CNIH3: variants seen among roughly 807,000 people sequenced by gnomAD.
CNIH3 encodes the protein cornichon family AMPA receptor auxiliary protein 3.
In CNIH3, 14 loss-of-function variants were observed where a neutral mutation model predicts 24.1. The observed-to-expected ratio is 0.58, with a 90% CI of 0.38 to 0.91. The LOEUF (loss-of-function observed/expected upper bound fraction) is 0.91. CNIH3 is among the 40% of genes least tolerant of loss of function. The probability of loss-of-function intolerance (pLI) is 0.00; values close to 1 mark genes in which losing one functional copy is unlikely to be tolerated. For missense variants in CNIH3, 178 were observed against 196.8 expected (o/e 0.90, Z 0.57); for synonymous variants, 68 against 73.8 (o/e 0.92, Z 0.40).
At chr1:224,707,663 C>G (rs1687896686) in intron 3 of CNIH3, among the ~76,000 whole-genome samples, 1 of 152,202 alleles carries the variant, frequency 6.6e-6, no homozygotes, top group Non-Finnish European at 1.5e-5. Flanking sequence ...GGCAGAATCT[C>G]ATGCCCCACC....
At chr1:224,512,972 C>T (rs774233672), upstream of CNIH3, among the ~76,000 whole-genome samples, 6 of 152,224 alleles carry the variant, frequency 3.9e-5, no homozygotes, top group Non-Finnish European at 5.9e-5. Flanking sequence ...CCATCTGCAA[C>T]GTGGCAATTA....
chr1:224,576,853 G>A (rs928502609), intron 4 of CNIH3, among the ~76,000 whole-genome samples: 4 of 152,116 alleles, frequency 2.6e-5, no homozygotes, highest in African/African-American at 9.7e-5. Flanking sequence ...AAACAACATG[G>A]TACTGGCATA....
In CNIH3 at chr1:224,502,027, G is replaced by A. The variant is rs191932509; in HGVS notation, n.204-13714G>A. On this transcript the variant is annotated intron_variant and non_coding_transcript_variant, in intron 1 of 5. Coordinates refer to the CNIH3 transcript ENST00000471578. ...ACTGGAGGGAGGTGCTGAAGAATGT[G>A]GGGAGGGCAGGTGAGCAGAGGATCC... Among the ~76,000 whole-genome samples, 3 of 152,282 alleles carry A rather than the reference G, an allele frequency of 2.0e-5. No individual in the cohort carries two copies. The East Asian group carries it at 5.8e-4, about 29-fold the overall frequency.
chr1:224,648,757 G>A (rs1684736548), intron 1 of CNIH3, among the ~76,000 whole-genome samples: 1 of 152,184 alleles, frequency 6.6e-6, no homozygotes, highest in African/African-American at 2.4e-5. Flanking sequence ...TTGGTGCACA[G>A]TGACCCTGCC....
intron 3 of CNIH3, among the ~76,000 whole-genome samples, chr1:224,706,088 T>A (rs1687794451): frequency 6.6e-6 from 1 of 152,102 alleles, no homozygotes; most frequent in Non-Finnish European, 1.5e-5. Flanking sequence ...CTGTTATGAG[T>A]CCAACACCAG....
intron 3 of CNIH3, among the ~76,000 whole-genome samples, chr1:224,688,171 A>AGCT (rs1686750688): frequency 6.6e-6 from 1 of 152,214 alleles, no homozygotes; most frequent in African/African-American, 2.4e-5. Flanking sequence ...TTCTGTTTAA[A>AGCT]GCTTATGCTT....
chr1:224,532,760 C>T (rs1202582985), intron 2 of CNIH3, among the ~76,000 whole-genome samples: 1 of 152,074 alleles, frequency 6.6e-6, no homozygotes, highest in Non-Finnish European at 1.5e-5. Context: ...AATACCATCA[C>T]CAATTTGTAT....
chr1:224,592,615 A>G (rs1681807034), downstream of CNIH3, among the ~76,000 whole-genome samples: 1 of 152,174 alleles, frequency 6.6e-6, no homozygotes. Context: ...TTCCTACTGG[A>G]ATTAGCAAAT....
At chr1:224,440,077 T>C (rs1674831316) in intron 1 of CNIH3, among the ~76,000 whole-genome samples, 1 of 152,202 alleles carries the variant, frequency 6.6e-6, no homozygotes, top group Non-Finnish European at 1.5e-5. Context: ...CGTGAGCCAC[T>C]GCGCCCAGCC....
At chr1:224,593,429 T>A (rs1681847986), downstream of CNIH3, among the ~76,000 whole-genome samples, 1 of 152,162 alleles carries the variant, frequency 6.6e-6, no homozygotes, top group Non-Finnish European at 1.5e-5. Context: ...CTACTACACA[T>A]CTGCGGGGCA....
intron 1 of CNIH3, among the ~76,000 whole-genome samples, chr1:224,650,675 A>G (rs917299216): frequency 1.3e-5 from 2 of 152,162 alleles, no homozygotes; most frequent in South Asian, 4.1e-4. Flanking sequence ...GTTTTAGCAA[A>G]TTGGCATGCT....
At chr1:224,668,272 C>T (rs1271971441) in intron 1 of CNIH3, among the ~76,000 whole-genome samples, 2 of 152,170 alleles carry the variant, frequency 1.3e-5, no homozygotes, top group Non-Finnish European at 2.9e-5. Flanking sequence ...GGCATTACTG[C>T]GTTCCTTTAT....
intron 1 of CNIH3, among the ~76,000 whole-genome samples, chr1:224,679,214 C>T (rs1036876725): frequency 6.6e-6 from 1 of 151,854 alleles, no homozygotes; most frequent in Non-Finnish European, 1.5e-5. Context: ...GTGGCACACG[C>T]CTGTAATCCT....
Position 224,684,716 on chromosome 1 carries a change from G to A in CNIH3, c.151-80G>A, listed in dbSNP as rs1206703813. 8.5e-6 allele frequency: 11 copies of A among 1,290,104 alleles called. No homozygotes were observed. The highest frequency in any genetic ancestry group is 1.8e-4 in the Middle Eastern group (1 of 5,430). 79.9% of individuals were successfully genotyped at this position (1,290,104 alleles called of 1,614,324 possible). A position where few individuals can be genotyped will look rare whatever the true frequency, so the allele number is the denominator to read the frequency against. ...GGTGGCTTCTGCCTCCACTATTGGG[G>A]CTGATTGCGGGGCCTTCTCATGCTA... On this transcript the variant is annotated intron_variant, in intron 2 of 5. Transcript: ENST00000272133. This position sits in a 1 kb window ranked among gnomAD's most constrained non-coding sequence, Gnocchi z 4.2.
At chr1:224,643,564 G>A (rs995988200) in intron 1 of CNIH3, among the ~76,000 whole-genome samples, 3 of 152,290 alleles carry the variant, frequency 2.0e-5, no homozygotes, top group East Asian at 1.9e-4. Context: ...CATGGAGGCC[G>A]GGCAGCCTCC....
At chr1:224,560,050 A>G (rs879810766) in intron 3 of CNIH3, among the ~76,000 whole-genome samples, 2 of 152,148 alleles carry the variant, frequency 1.3e-5, no homozygotes, top group African/African-American at 2.4e-5. Context: ...AAATTTATCT[A>G]TATTGTTGGG....
At chr1:224,591,046 G>T (rs1421949306), downstream of CNIH3, among the ~76,000 whole-genome samples, 1 of 152,140 alleles carries the variant, frequency 6.6e-6, no homozygotes, top group African/African-American at 2.4e-5. Flanking sequence ...TTTAATCCAG[G>T]TTAGCATTCA....
chr1:224,488,480 G>A (rs1230329174), intron 1 of CNIH3, among the ~76,000 whole-genome samples: 2 of 87,154 alleles, frequency 2.3e-5, no homozygotes, highest in Non-Finnish European at 4.3e-5. Flanking sequence ...GGGTGGGGGG[G>A]AACAGAGTCT....
At chr1:224,475,747 C>G (rs1487282718) in intron 1 of CNIH3, among the ~76,000 whole-genome samples, 1 of 152,274 alleles carries the variant, frequency 6.6e-6, no homozygotes, top group South Asian at 2.1e-4. Context: ...AAACTATGCA[C>G]TATGAGGCCA....
Sources: allele counts gnomAD v4.1 joint callset (sites outside exome capture counted in the v4.1 genomes callset), GRCh38; gene constraint gnomAD v4.1.1; non-coding constraint Gnocchi (gnomAD v3.1); transcripts MANE v1.5; gene names NCBI Gene and HGNC (gene_info 2026-07-23, HGNC 2026-07-21).